The following PCGF3 variants were observed in gnomAD, a reference collection of about 807,000 sequenced individuals.
PCGF3 encodes polycomb group RING finger protein 3.
In PCGF3, 7 loss-of-function variants were observed where a neutral mutation model predicts 33.1. The observed-to-expected ratio is 0.21, with a 90% CI of 0.12 to 0.40. The LOEUF (loss-of-function observed/expected upper bound fraction) is 0.40, where lower values mean the gene tolerates loss of function less well. Among genes scored for constraint, PCGF3 ranks in the 10% least tolerant of loss-of-function variants. The pLI is 1.00. For synonymous variants in PCGF3, 153 were observed against 121.3 expected (o/e 1.26, Z -1.72); for missense variants, 211 against 313.3 (o/e 0.67, Z 2.46).
At chr4:738,849 A>G (rs1743959329) in intron 6 of PCGF3, among the ~76,000 whole-genome samples, 1 of 147,702 alleles carries the variant, frequency 6.8e-6, no homozygotes, top group South Asian at 2.2e-4. Flanking sequence ...ACAGAGCAAG[A>G]CTCCGTCTCA....
intron 1 of PCGF3, among the ~76,000 whole-genome samples, chr4:717,266 C>T (rs1742895630): frequency 3.5e-5 from 4 of 114,340 alleles, no homozygotes; most frequent in Admixed American, 8.8e-5. Flanking sequence ...GAGAACTGAG[C>T]GTCGGTGCTG....
intron 8 of PCGF3, among the ~76,000 whole-genome samples, chr4:748,026 G>A (rs1744340791): frequency 6.6e-6 from 1 of 152,170 alleles, no homozygotes; most frequent in Non-Finnish European, 1.5e-5. Flanking sequence ...TGTGCTCCGT[G>A]AATGTTACGT....
chr4:758,602 A>G (rs1302174302), intron 8 of PCGF3, among the ~76,000 whole-genome samples: 1 of 62,576 alleles, frequency 1.6e-5, no homozygotes, highest in Non-Finnish European at 2.9e-5. Context: ...GTTCTTCTCC[A>G]TCCCGACTCC....
At chr4:742,913 G>A (rs1577423424) in intron 6 of PCGF3, among the ~76,000 whole-genome samples, 1 of 152,186 alleles carries the variant, frequency 6.6e-6, no homozygotes, top group African/African-American at 2.4e-5. Context: ...ATGGTCCCCG[G>A]GGCTCTCGGG....
intron 6 of PCGF3, among the ~76,000 whole-genome samples, chr4:740,152 CTGCGAGGATGCAGTGGTGA>C (rs951045980): frequency 6.6e-6 from 1 of 152,258 alleles, no homozygotes; most frequent in Non-Finnish European, 1.5e-5. Context: ...CGCGCGTTAG[CTGCGAGGATGCAGTGGTGA>C]GGCGAGGTGT....
rs562779914 is a variant in PCGF3, at chr4:760,200, C to G, written c.463-1079C>G. ...TTTTGGATTCTTTTGCTTCCTGAAT[C>G]TGAGGACTGCCCTTCACTGTTGTGG... On this transcript the variant is annotated intron_variant, in intron 8 of 10. Coordinates refer to ENST00000362003, the Ensembl canonical transcript of PCGF3. Among the ~76,000 whole-genome samples, 236 of 152,310 alleles carry G rather than the reference C, an allele frequency of 1.5e-3. 3 individuals carry two copies. The highest frequency in any genetic ancestry group is 5.9e-4 in the Non-Finnish European group (40 of 68,032).
chr4:741,476 A>G (rs1744087489), intron 6 of PCGF3, among the ~76,000 whole-genome samples: 1 of 152,116 alleles, frequency 6.6e-6, no homozygotes, highest in African/African-American at 2.4e-5. Context: ...GCACGATCTC[A>G]GCTCACTGCA....
intron 8 of PCGF3, among the ~76,000 whole-genome samples, chr4:752,335 C>T (rs1560213440): frequency 6.6e-6 from 1 of 152,238 alleles, no homozygotes; most frequent in Middle Eastern, 3.2e-3. Context: ...CCTCAGGTGA[C>T]TCATTTGCTT....
intron 8 of PCGF3, among the ~76,000 whole-genome samples, chr4:756,858 G>C (rs981059989): frequency 6.6e-6 from 1 of 152,190 alleles, no homozygotes; most frequent in African/African-American, 2.4e-5. Flanking sequence ...GAAACCATCT[G>C]AGACTGCCAT....
At chr4:762,143 C>T (rs1175512355) in intron 9 of PCGF3, 4 of 928,600 alleles carry the variant, frequency 4.3e-6, no homozygotes, top group African/African-American at 3.6e-5. Context: ...CACATCCTAA[C>T]CCCCAGAGCC....
exon 11 of PCGF3, chr4:769,577 G>A (rs1000074377): frequency 4.6e-5 from 7 of 152,654 alleles, no homozygotes; most frequent in African/African-American, 7.2e-5. Flanking sequence ...ACCATAATTT[G>A]TACGGGACAG....
chr4:750,098 CCCG>C lies in PCGF3; in HGVS notation c.462+5413_462+5415del, dbSNP rs557134274. Among the ~76,000 whole-genome samples the C allele has an allele frequency of 1.6e-3, 242 of 152,372 alleles. 1 individual carries two copies. Among genetic ancestry groups the C allele is most frequent in the Non-Finnish European group, 2.7e-3 (183 of 68,034 alleles). Reference sequence around the variant, plus strand: ...AGGATTCCAGGCGTGAGCCCACGTGCCCGCCAAGTCTTTGTAAGCGCATTTCCG... The same window carrying C: ...AGGATTCCAGGCGTGAGCCCACGTGCCCAAGTCTTTGTAAGCGCATTTCCG... On this transcript the variant is annotated intron_variant, in intron 8 of 10. Coordinates refer to ENST00000362003, the Ensembl canonical transcript of PCGF3.
intron 10 of PCGF3, among the ~76,000 whole-genome samples, chr4:765,728 TGAGG>T (rs1476838871): frequency 2.0e-5 from 3 of 151,912 alleles, no homozygotes; most frequent in African/African-American, 7.3e-5. Flanking sequence ...CCAGAGGGTT[TGAGG>T]GAGAAGGGGG....
chr4:743,640 T>C lies in PCGF3; in HGVS notation c.373+56T>C. The C allele has an allele frequency of 5.9e-6, 6 of 1,018,488 alleles. No homozygotes were observed. In the South Asian group the frequency reaches 7.9e-5, roughly 13 times the overall value. 63.1% of individuals were successfully genotyped at this position (1,018,488 alleles called of 1,614,324 possible). Reference sequence around the variant, plus strand: ...CCGGGAATCCCCTGCATGAGGCCTTTTCTTAAAGAGCTGGCGCTGTCTGCC... The same window carrying C: ...CCGGGAATCCCCTGCATGAGGCCTTCTCTTAAAGAGCTGGCGCTGTCTGCC... On this transcript the variant is annotated intron_variant, in intron 7 of 10. Coordinates refer to ENST00000362003, the Ensembl canonical transcript of PCGF3.
Position 752,177 on chromosome 4 carries a change from C to T in PCGF3, c.462+7489C>T, listed in dbSNP as rs563783690. On this transcript the variant is annotated intron_variant, in intron 8 of 10. Coordinates refer to ENST00000362003, the Ensembl canonical transcript of PCGF3. Reference sequence around the variant, plus strand: ...TTGACCTTGGGAGTTTGGAAACTGGCGAAGCCGCCTCTTCCACTGCCCTTG... The same window carrying T: ...TTGACCTTGGGAGTTTGGAAACTGGTGAAGCCGCCTCTTCCACTGCCCTTG... 8.5e-5 allele frequency among the ~76,000 whole-genome samples: 13 copies of T among 152,332 alleles called. 1 individual carries two copies. The highest frequency in any genetic ancestry group is 1.9e-4 in the East Asian group (1 of 5,186).
At chr4:716,433 G>A (rs1409630876) in intron 1 of PCGF3, among the ~76,000 whole-genome samples, 1 of 134,194 alleles carries the variant, frequency 7.5e-6, no homozygotes, top group African/African-American at 2.9e-5. Flanking sequence ...GTGAGAACTG[G>A]GCGTCGGTGC....
At chr4:760,884 C>T (rs1049423852) in intron 8 of PCGF3, among the ~76,000 whole-genome samples, 1 of 152,246 alleles carries the variant, frequency 6.6e-6, no homozygotes, top group Non-Finnish European at 1.5e-5. Context: ...TACTGTCTTC[C>T]TGCAGTCGCT....
chr4:763,327 G>T (rs1459505897), intron 9 of PCGF3, among the ~76,000 whole-genome samples: 2 of 152,128 alleles, frequency 1.3e-5, no homozygotes, highest in Admixed American at 1.3e-4. Context: ...CAGGGGGTGG[G>T]GAAGAGGTTG....
At chr4:748,492 C>T (rs766092994) in intron 8 of PCGF3, among the ~76,000 whole-genome samples, 26 of 152,268 alleles carry the variant, frequency 1.7e-4, no homozygotes, top group East Asian at 3.9e-4. Flanking sequence ...AGCCAAGTAA[C>T]GGAACCTTAA....
Sources: allele counts gnomAD v4.1 joint callset (sites outside exome capture counted in the v4.1 genomes callset), GRCh38; gene constraint gnomAD v4.1.1; transcripts MANE v1.5; gene names NCBI Gene and HGNC (gene_info 2026-07-23, HGNC 2026-07-21).